Variants in GRIN2B observed in about 807,000 individuals in gnomAD.
The protein encoded by GRIN2B is glutamate receptor ionotropic, NMDA 2B.
A neutral mutation model predicts 114.5 loss-of-function variants in GRIN2B; 5 were observed. That is an observed-to-expected ratio of 0.04 (90% CI 0.02 to 0.09). The LOEUF (loss-of-function observed/expected upper bound fraction) is 0.09. Among genes scored for constraint, GRIN2B ranks in the 10% least tolerant of loss-of-function variants. GRIN2B has a pLI of 1.00. For synonymous variants in GRIN2B, 787 were observed against 745.1 expected, an observed-to-expected ratio of 1.06 and a Z score of -0.92; for missense variants, 1,108 against 1,943.5, an observed-to-expected ratio of 0.57 and a Z score of 8.08.
chr12:13,706,819 C>G (rs1434614261), intron 4 of GRIN2B, among the ~76,000 whole-genome samples: 2 of 152,058 alleles, frequency 1.3e-5, no homozygotes. Context: ...TTTTGGCCTG[C>G]CTTGTTCCAA....
Position 13,726,942 on chromosome 12 carries a change from A to G in GRIN2B, c.1010+26375T>C, listed in dbSNP as rs564768559. On this transcript the variant is annotated intron_variant, in intron 4 of 13. Coordinates refer to ENST00000609686, the MANE Select transcript of GRIN2B (RefSeq NM_000834.5). ...TGGTTTTCCACTCCTGAGTAAAACT[A>G]TTAACTAATTAGTTATCGGAGCAAT... is the stretch of plus-strand genomic sequence containing the variant. Among the ~76,000 whole-genome samples, 24 of 152,300 alleles carry G rather than the reference A, an allele frequency of 1.6e-4. 1 individual carries two copies. In the South Asian group the frequency reaches 5.0e-3, roughly 32 times the overall value.
At chr12:13,623,050 A>G (rs1949532965) in intron 5 of GRIN2B, among the ~76,000 whole-genome samples, 1 of 152,208 alleles carries the variant, frequency 6.6e-6, no homozygotes, top group Non-Finnish European at 1.5e-5. Context: ...CATATATACA[A>G]AGAAGGGGAT....
At chr12:13,738,697 T>C (rs766739963) in intron 4 of GRIN2B, among the ~76,000 whole-genome samples, 36 of 152,302 alleles carry the variant, frequency 2.4e-4, no homozygotes, top group Non-Finnish European at 3.5e-4. Context: ...ATGTGAATGC[T>C]ATCATTGCAT....
At position 13,559,237 on chromosome 12, in the gene GRIN2B, A is replaced by T. The variant is rs535744944; in HGVS notation, c.*3546T>A. On this transcript the variant is annotated 3_prime_UTR_variant, in exon 14 of 14. Transcript: ENST00000609686. ...ACCATGAGTAACTTAGTCCCAGTGCAAATATCCAGTTGAAGAAAAGCAACC... is the reference window on the plus strand; with the variant it reads ...ACCATGAGTAACTTAGTCCCAGTGCTAATATCCAGTTGAAGAAAAGCAACC... The T allele has an allele frequency of 6.6e-6, 1 of 152,360 alleles. No homozygotes were observed. The highest frequency in any genetic ancestry group is 6.5e-5 in the Admixed American group (1 of 15,310). The allele number at this position is 152,360 out of a possible 1,614,324, so 9.4% of individuals were successfully genotyped here.
chr12:13,639,499 G>T (rs969210706), intron 5 of GRIN2B, among the ~76,000 whole-genome samples: 45 of 152,050 alleles, frequency 3.0e-4, no homozygotes, highest in African/African-American at 1.1e-3. Flanking sequence ...CTCCTTTTAC[G>T]TTCCCACACG....
chr12:13,590,605 T>C (rs979676895), intron 10 of GRIN2B, among the ~76,000 whole-genome samples: 2 of 152,212 alleles, frequency 1.3e-5, no homozygotes, highest in African/African-American at 4.8e-5. Flanking sequence ...TGCATAGTAT[T>C]CCATGGTGTG....
At chr12:13,635,430 T>A (rs945489322) in intron 5 of GRIN2B, among the ~76,000 whole-genome samples, 1 of 152,148 alleles carries the variant, frequency 6.6e-6, no homozygotes, top group Non-Finnish European at 1.5e-5. Flanking sequence ...CCAGACACCA[T>A]GTTACTAGTT....
intron 2 of GRIN2B, among the ~76,000 whole-genome samples, chr12:13,869,231 CTTTTTTTTTCTTTTTTT>C (rs1865870094): frequency 7.9e-6 from 1 of 126,042 alleles, no homozygotes; most frequent in Non-Finnish European, 1.7e-5. Context: ...TTTTCTTTTT[CTTTTTTTTTCTTTTTTT>C]TTTTTTTTTT....
chr12:13,657,980 C>T lies in GRIN2B; in HGVS notation c.1125+17765G>A, dbSNP rs141878458. Among the ~76,000 whole-genome samples, 310 of 152,212 alleles carry T rather than the reference C, an allele frequency of 2.0e-3. 1 individual carries two copies. Among genetic ancestry groups the T allele is most frequent in the African/African-American group, 7.0e-3 (291 of 41,550 alleles). On this transcript the variant is annotated intron_variant, in intron 5 of 13. Coordinates refer to ENST00000609686, the MANE Select transcript of GRIN2B (RefSeq NM_000834.5). Reference sequence around the variant, plus strand: ...TAGCCCTTTGGGAGGCCAAGGCAGTCGGATCACCTGAGGTCAGGAGTTTGA... The same window carrying T: ...TAGCCCTTTGGGAGGCCAAGGCAGTTGGATCACCTGAGGTCAGGAGTTTGA...
At chr12:13,916,567 G>A (rs934226236) in intron 2 of GRIN2B, among the ~76,000 whole-genome samples, 2 of 151,994 alleles carry the variant, frequency 1.3e-5, no homozygotes, top group African/African-American at 2.4e-5. Context: ...AATATCTATC[G>A]GCCAGGCGTG....
chr12:13,620,493 C>CT (rs1158036944), intron 5 of GRIN2B, among the ~76,000 whole-genome samples: 2 of 152,172 alleles, frequency 1.3e-5, no homozygotes, highest in Non-Finnish European at 2.9e-5. Flanking sequence ...TGTTAAACGT[C>CT]AACCAGCTCA....
chr12:13,695,812 G>A (rs935907710), intron 4 of GRIN2B, among the ~76,000 whole-genome samples: 10 of 152,092 alleles, frequency 6.6e-5, no homozygotes, highest in African/African-American at 1.7e-4. Flanking sequence ...CAAGTTAAGC[G>A]GCTCATAGTG....
At chr12:13,738,230 A>G (rs1343504555) in intron 4 of GRIN2B, among the ~76,000 whole-genome samples, 4 of 152,252 alleles carry the variant, frequency 2.6e-5, no homozygotes, top group African/African-American at 9.6e-5. Flanking sequence ...ATAACAGTGT[A>G]GTAATACAAA....
At chr12:13,768,581 T>C (rs1338557018) in intron 3 of GRIN2B, among the ~76,000 whole-genome samples, 2 of 152,186 alleles carry the variant, frequency 1.3e-5, no homozygotes, top group African/African-American at 2.4e-5. Context: ...GAAGACCCAG[T>C]AGGGAGCCAG....
intron 5 of GRIN2B, among the ~76,000 whole-genome samples, chr12:13,672,655 A>G (rs1950033712): frequency 6.6e-6 from 1 of 152,156 alleles, no homozygotes; most frequent in Admixed American, 6.5e-5. Flanking sequence ...TATGACCTCA[A>G]TGAACACTAG....
intron 3 of GRIN2B, among the ~76,000 whole-genome samples, chr12:13,791,838 T>G (rs1864327330): frequency 6.6e-6 from 1 of 152,266 alleles, no homozygotes; most frequent in South Asian, 2.1e-4. Flanking sequence ...GTAGTTATTT[T>G]GAAATCTGCA....
intron 2 of GRIN2B, among the ~76,000 whole-genome samples, chr12:13,882,340 C>T (rs561786493): frequency 3.3e-5 from 5 of 152,162 alleles, no homozygotes; most frequent in East Asian, 3.9e-4. Context: ...TCTGGATAAA[C>T]GGAAGGCACC....
chr12:13,565,737 A>G (rs1431395624), intron 13 of GRIN2B, among the ~76,000 whole-genome samples: 9 of 152,206 alleles, frequency 5.9e-5, no homozygotes, highest in African/African-American at 2.2e-4. Flanking sequence ...GTCTCCGTGG[A>G]TGGGAATGAG....
chr12:13,945,416 G>A (rs1187182960), intron 2 of GRIN2B, among the ~76,000 whole-genome samples: 2 of 152,164 alleles, frequency 1.3e-5, no homozygotes. Flanking sequence ...GGGTGTTACT[G>A]CTTGAGTCTG....
Sources: allele counts gnomAD v4.1 joint callset (sites outside exome capture counted in the v4.1 genomes callset), GRCh38; gene constraint gnomAD v4.1.1; transcripts MANE v1.5; gene names NCBI Gene and HGNC (gene_info 2026-07-23, HGNC 2026-07-21).